ELOVL5: variants seen among roughly 807,000 people sequenced by gnomAD.
ELOVL5 encodes the protein very long chain fatty acid elongase 5.
A neutral mutation model predicts 38.6 loss-of-function variants in ELOVL5; 8 were observed. The ratio of observed to expected loss-of-function variants is 0.21; its 90% CI spans 0.12 to 0.37. The LOEUF is 0.37. ELOVL5 is among the 10% of genes least tolerant of loss of function. ELOVL5 has a pLI of 1.00. For missense variants in ELOVL5, 280 were observed against 367.8 expected, an observed-to-expected ratio of 0.76 and a Z score of 1.95; for synonymous variants, 127 against 133.7, an observed-to-expected ratio of 0.95 and a Z score of 0.34.
intron 7 of ELOVL5, among the ~76,000 whole-genome samples, chr6:53,269,649 G>A (rs944987368): frequency 6.6e-6 from 1 of 152,200 alleles, no homozygotes; most frequent in African/African-American, 2.4e-5. Flanking sequence ...CACATCCCTT[G>A]TTCGTCTTCA....
intron 1 of ELOVL5, among the ~76,000 whole-genome samples, chr6:53,312,966 G>A (rs1471468047): frequency 6.6e-6 from 1 of 152,150 alleles, no homozygotes; most frequent in African/African-American, 2.4e-5. Flanking sequence ...TTTTCACAGT[G>A]GTCTGATGAA....
intron 1 of ELOVL5, among the ~76,000 whole-genome samples, chr6:53,297,689 T>C (rs557889354): frequency 1.3e-5 from 2 of 152,188 alleles, no homozygotes; most frequent in South Asian, 2.1e-4. Context: ...TATGTATGCA[T>C]AGGAAAAAAA....
intron 1 of ELOVL5, among the ~76,000 whole-genome samples, chr6:53,338,168 C>G (rs1274664346): frequency 4.6e-5 from 7 of 152,160 alleles, no homozygotes; most frequent in Admixed American, 4.6e-4. Flanking sequence ...GGTCTTCTGA[C>G]AGTACTTTGC....
At chr6:53,312,138 G>A (rs1767865221) in intron 1 of ELOVL5, among the ~76,000 whole-genome samples, 1 of 152,156 alleles carries the variant, frequency 6.6e-6, no homozygotes. Flanking sequence ...TTCTGCTACA[G>A]AAATTATAGT....
At chr6:53,337,259 CGT>C (rs1199137257) in intron 1 of ELOVL5, 7 of 152,290 alleles carry the variant, frequency 4.6e-5, no homozygotes, top group African/African-American at 1.7e-4. Context: ...AGGGGCCCCT[CGT>C]TCATCCTGAT....
intron 3 of ELOVL5, among the ~76,000 whole-genome samples, chr6:53,280,864 G>A (rs1057176401): frequency 3.3e-5 from 5 of 152,174 alleles, no homozygotes; most frequent in Non-Finnish European, 7.3e-5. Context: ...CAAAGTGCTG[G>A]GATTCCAGGT....
chr6:53,340,809 T>G (rs1476937994), intron 1 of ELOVL5, among the ~76,000 whole-genome samples: 1 of 152,218 alleles, frequency 6.6e-6, no homozygotes, highest in Non-Finnish European at 1.5e-5. Flanking sequence ...ATTCCCATTG[T>G]CAAGCTATAC....
intron 1 of ELOVL5, among the ~76,000 whole-genome samples, chr6:53,342,067 A>C (rs1294746391): frequency 6.6e-6 from 1 of 152,108 alleles, no homozygotes; most frequent in Admixed American, 6.5e-5. Flanking sequence ...TACAGGAGGT[A>C]TTCTTTTAAA....
chr6:53,326,666 T>C (rs1316563373), intron 1 of ELOVL5, among the ~76,000 whole-genome samples: 3 of 152,134 alleles, frequency 2.0e-5, no homozygotes, highest in East Asian at 1.9e-4. Flanking sequence ...ATACTCCAAA[T>C]ACAAATTATT....
In ELOVL5 at chr6:53,294,360, C is replaced by G. The variant is rs374730830; in HGVS notation, c.58+1282G>C. 2.9e-5 allele frequency: 45 copies of G among 1,569,410 alleles called. No homozygotes were observed. The African/African-American group carries it at 5.5e-4, about 19-fold the overall frequency. The stretch of plus-strand genomic sequence containing the variant: ...GCTGGCAAAGAGCTCTGGGAAACAA[C>G]TTCTTTATGCTTAAAACCACACAAA... On this transcript the variant is annotated intron_variant, in intron 2 of 7. Coordinates refer to ENST00000304434, the MANE Select transcript of ELOVL5 (RefSeq NM_021814.5).
chr6:53,271,747 A>G (rs550858917), intron 6 of ELOVL5, among the ~76,000 whole-genome samples: 2 of 152,294 alleles, frequency 1.3e-5, no homozygotes, highest in Non-Finnish European at 1.5e-5. Flanking sequence ...GCCATGACCC[A>G]CTGTGCCTGG....
chr6:53,323,775 G>T (rs1347616269), intron 1 of ELOVL5, among the ~76,000 whole-genome samples: 3 of 151,910 alleles, frequency 2.0e-5, no homozygotes, highest in Non-Finnish European at 2.9e-5. Context: ...TAGAGACAGG[G>T]TTTCTCCATG....
intron 3 of ELOVL5, among the ~76,000 whole-genome samples, chr6:53,282,787 A>G (rs1402957851): frequency 6.6e-6 from 1 of 152,252 alleles, no homozygotes; most frequent in East Asian, 1.9e-4. Flanking sequence ...ATAAAATTCA[A>G]TAATCAATTG....
intron 1 of ELOVL5, among the ~76,000 whole-genome samples, chr6:53,306,191 G>A (rs996398913): frequency 2.9e-5 from 4 of 136,896 alleles, no homozygotes; most frequent in Non-Finnish European, 6.3e-5. Context: ...GAGGGAGACC[G>A]TGGAAAGGGG....
rs1288197730 is a variant in ELOVL5 at position 53,305,130 on chromosome 6, C to A, written c.-8-9423G>T. Among the ~76,000 whole-genome samples, 6 of 148,294 alleles carry A rather than the reference C, an allele frequency of 4.0e-5. 1 individual carries two copies. The South Asian group carries it at 1.3e-3, about 32-fold the overall frequency. ...CTGACCCCCCCACCTCCCTCCCAGA[C>A]GGGGCGGCTCGCCGGGCAGGGGGCT... On this transcript the variant is annotated intron_variant, in intron 1 of 7. Transcript: ENST00000304434.
chr6:53,330,938 A>C (rs1376063508), intron 1 of ELOVL5, among the ~76,000 whole-genome samples: 1 of 152,210 alleles, frequency 6.6e-6, no homozygotes, highest in Non-Finnish European at 1.5e-5. Flanking sequence ...CTTCAGGGGC[A>C]ATAACATGTG....
intron 1 of ELOVL5, among the ~76,000 whole-genome samples, chr6:53,348,425 C>A (rs1769672782): frequency 6.6e-6 from 1 of 152,170 alleles, no homozygotes; most frequent in African/African-American, 2.4e-5. Context: ...CGCGCTCCGG[C>A]CCGCAGGGCG....
At chr6:53,296,185 C>T (rs1481093875) in intron 1 of ELOVL5, among the ~76,000 whole-genome samples, 1 of 151,710 alleles carries the variant, frequency 6.6e-6, no homozygotes, top group African/African-American at 2.4e-5. Flanking sequence ...TTCATATCTA[C>T]AGTAAAAAAA....
chr6:53,343,990 G>C (rs80329375), intron 1 of ELOVL5, among the ~76,000 whole-genome samples: 3 of 152,228 alleles, frequency 2.0e-5, no homozygotes, highest in Non-Finnish European at 2.9e-5. Flanking sequence ...TCCCAATTCT[G>C]TAATATTAAA....
Sources: allele counts gnomAD v4.1 joint callset (sites outside exome capture counted in the v4.1 genomes callset), GRCh38; gene constraint gnomAD v4.1.1; transcripts MANE v1.5; gene names NCBI Gene and HGNC (gene_info 2026-07-23, HGNC 2026-07-21).